Variants in PDXDC1 observed in about 807,000 individuals in gnomAD.
The protein encoded by PDXDC1 is pyridoxal-dependent decarboxylase domain-containing protein 1.
A neutral mutation model predicts 100.1 loss-of-function variants in PDXDC1; 42 were observed. The observed-to-expected ratio is 0.42, with a 90% CI of 0.33 to 0.54. The LOEUF is 0.54. Ranked by LOEUF, PDXDC1 falls within the 20% of genes least tolerant of loss-of-function variation. The pLI is 0.10. For missense variants in PDXDC1, 636 were observed against 979.2 expected (o/e 0.65, Z 4.68); for synonymous variants, 260 against 371.7 (o/e 0.70, Z 3.46).
chr16:15,127,907 A>C, intron 16 of PDXDC1: 1 of 1,454,298 alleles, frequency 6.9e-7, no homozygotes, highest in Non-Finnish European at 9.5e-7. Context: ...CCTAGAAGGC[A>C]GGGAGGGCCG....
chr16:15,069,332 C>T (rs1176864211), intron 16 of PDXDC1, among the ~76,000 whole-genome samples: 3 of 152,116 alleles, frequency 2.0e-5, no homozygotes, highest in South Asian at 2.1e-4. Flanking sequence ...AAATGGCAAT[C>T]GTGCAGGGTT....
chr16:15,080,165 C>T (rs1466056452), intron 16 of PDXDC1: 3 of 1,499,302 alleles, frequency 2.0e-6, no homozygotes, highest in Non-Finnish European at 1.8e-6. Flanking sequence ...GTAAGCAAAA[C>T]ATCAATTACA....
At chr16:15,081,016 T>C (rs2045681205) in intron 16 of PDXDC1, among the ~76,000 whole-genome samples, 1 of 152,162 alleles carries the variant, frequency 6.6e-6, no homozygotes, top group South Asian at 2.1e-4. Context: ...TAATACACAG[T>C]CTTTTGGCAT....
At chr16:15,030,106 G>T (rs2042946572) in intron 16 of PDXDC1, 50 bp downstream of exon 16, 3 of 1,482,108 alleles carry the variant, frequency 2.0e-6, no homozygotes, top group Non-Finnish European at 2.8e-6. Context: ...GGGCTGCTGG[G>T]TAGATTAGCT....
At chr16:15,033,509 A>G in intron 19 of PDXDC1, 110 bp downstream of exon 19, 1 of 1,277,804 alleles carries the variant, frequency 7.8e-7, no homozygotes, top group African/African-American at 1.5e-5. Context: ...TGTCTCTCAA[A>G]GTCTGTCAAT....
intron 16 of PDXDC1, among the ~76,000 whole-genome samples, chr16:15,113,217 G>A (rs1344535775): frequency 3.6e-3 from 27 of 7,460 alleles, no homozygotes; most frequent in Non-Finnish European, 6.8e-3. Flanking sequence ...TTGGGGGTGA[G>A]AAAAGAAAAA....
At chr16:15,147,470 CAG>C in the PDXDC1 span, among the ~76,000 whole-genome samples, 1 of 152,202 alleles carries the variant, frequency 6.6e-6, no homozygotes, top group African/African-American at 2.4e-5. Context: ...GACAAGAACA[CAG>C]AGGGCTCAGC....
intron 16 of PDXDC1, among the ~76,000 whole-genome samples, chr16:15,054,933 T>C (rs1226314240): frequency 2.6e-5 from 4 of 152,212 alleles, no homozygotes; most frequent in Non-Finnish European, 4.4e-5. Context: ...CAGGTTCCTG[T>C]GCTTCCCATC....
At chr16:15,056,329 A>G (rs2044520816) in intron 16 of PDXDC1, among the ~76,000 whole-genome samples, 1 of 152,202 alleles carries the variant, frequency 6.6e-6, no homozygotes, top group Non-Finnish European at 1.5e-5. Context: ...GCACCAGCCA[A>G]GAGAGCCTCC....
At chr16:15,123,282 T>G (rs950964595) in intron 16 of PDXDC1, among the ~76,000 whole-genome samples, 8 of 151,916 alleles carry the variant, frequency 5.3e-5, no homozygotes, top group Admixed American at 4.6e-4. Flanking sequence ...CTCTGGAACC[T>G]TCACAAACCT....
intron 16 of PDXDC1, chr16:15,086,493 C>A: frequency 1.2e-6 from 2 of 1,608,522 alleles, no homozygotes; most frequent in Non-Finnish European, 1.7e-6. Context: ...ATCACAAATC[C>A]TCTAACATAA....
chr16:15,049,700 A>T (rs1247587156), intron 16 of PDXDC1, among the ~76,000 whole-genome samples: 1 of 152,154 alleles, frequency 6.6e-6, no homozygotes, highest in Non-Finnish European at 1.5e-5. Context: ...TGCTGGGATT[A>T]TAGCATGAGC....
At chr16:15,089,183 C>T (rs1488973207) in intron 16 of PDXDC1, among the ~76,000 whole-genome samples, 1 of 152,008 alleles carries the variant, frequency 6.6e-6, no homozygotes, top group African/African-American at 2.4e-5. Flanking sequence ...CACAGCTACT[C>T]GGGAGGCTGA....
intron 16 of PDXDC1, among the ~76,000 whole-genome samples, chr16:15,046,524 G>T (rs1445001843): frequency 6.6e-6 from 1 of 152,088 alleles, no homozygotes; most frequent in African/African-American, 2.4e-5. Flanking sequence ...ACTGCAGTGA[G>T]AGAGGATGAG....
At chr16:15,128,407 G>T in intron 16 of PDXDC1, 1 of 1,458,680 alleles carries the variant, frequency 6.9e-7, no homozygotes, top group Non-Finnish European at 9.5e-7. Flanking sequence ...GCAAGAGGGA[G>T]GGGTGGGAGG....
At chr16:15,045,107 G>T (rs556623274) in intron 16 of PDXDC1, 1 of 137,268 alleles carries the variant, frequency 7.3e-6, no homozygotes, top group African/African-American at 2.7e-5. Context: ...TTGGGCTACA[G>T]AGTAAGACTC....
chr16:15,087,645 G>A (rs1181100791), intron 16 of PDXDC1, among the ~76,000 whole-genome samples: 1 of 152,062 alleles, frequency 6.6e-6, no homozygotes, highest in African/African-American at 2.4e-5. Flanking sequence ...TTTGTACTAT[G>A]GTAATTTCAT....
chr16:14,993,430 A>G (rs553329467), intron 1 of PDXDC1, among the ~76,000 whole-genome samples: 2,691 of 151,292 alleles, frequency 0.018, 1 homozygote, highest in Non-Finnish European at 0.027. Flanking sequence ...GCTGAGAATG[A>G]TGGTTTCAAA....
chr16:15,042,534 T>A (rs758046486), downstream of PDXDC1, among the ~76,000 whole-genome samples: 1 of 152,156 alleles, frequency 6.6e-6, no homozygotes, highest in Non-Finnish European at 1.5e-5. Context: ...TATTTTCCCA[T>A]GTAATTCTCA....
Sources: allele counts gnomAD v4.1 joint callset (sites outside exome capture counted in the v4.1 genomes callset), GRCh38; gene constraint gnomAD v4.1.1; transcripts MANE v1.5; gene names NCBI Gene and HGNC (gene_info 2026-07-23, HGNC 2026-07-21).